The following GPC4 variants were observed in gnomAD, a reference collection of about 807,000 sequenced individuals.
The protein encoded by GPC4 is glypican-4.
GPC4 carries 10 observed loss-of-function variants against 35.0 expected under a neutral mutation model. That is an observed-to-expected ratio of 0.29 (90% CI 0.18 to 0.48). GPC4 has a LOEUF of 0.48. GPC4 is among the 20% of genes least tolerant of loss of function. The pLI, the probability that GPC4 is intolerant of heterozygous loss-of-function variation, is 0.99. For missense variants in GPC4, 322 were observed against 451.3 expected (o/e 0.71, Z 2.60); for synonymous variants, 167 against 170.2 (o/e 0.98, Z 0.15).
At chrX:133,390,272 A>G (rs1008566963) in intron 1 of GPC4, among the ~76,000 whole-genome samples, 3 of 111,322 alleles carry the variant, frequency 2.7e-5, no homozygotes, top group African/African-American at 6.5e-5. Context: ...TCCTCCTCTC[A>G]CCCACCTACT....
At chrX:133,329,073 G>T (rs1249085724) in intron 2 of GPC4, among the ~76,000 whole-genome samples, 2 of 111,947 alleles carry the variant, frequency 1.8e-5, no homozygotes, top group African/African-American at 6.5e-5. Context: ...ACACAGGATG[G>T]AAATAAACAC....
chrX:133,313,375 C>T (rs1007976091), intron 3 of GPC4, among the ~76,000 whole-genome samples: 1 of 112,850 alleles, frequency 8.9e-6, no homozygotes, highest in African/African-American at 3.2e-5. Flanking sequence ...GATTTTTCCA[C>T]AGTTTTAACC....
At chrX:133,379,523 C>T (rs1366277090) in intron 1 of GPC4, among the ~76,000 whole-genome samples, 1 of 111,817 alleles carries the variant, frequency 8.9e-6, no homozygotes, top group African/African-American at 3.3e-5. Context: ...TGTTTATATA[C>T]TAAATGCCAC....
At chrX:133,323,985 G>GT (rs2068378680) in intron 3 of GPC4, among the ~76,000 whole-genome samples, 160 bp downstream of exon 3, 2 of 112,046 alleles carry the variant, frequency 1.8e-5, no homozygotes, top group African/African-American at 6.5e-5. Context: ...ATGTACACGT[G>GT]TAAGGACAGT....
intron 2 of GPC4, among the ~76,000 whole-genome samples, chrX:133,337,504 A>C (rs1159588627): frequency 8.9e-6 from 1 of 111,849 alleles, no homozygotes; most frequent in Admixed American, 9.5e-5. Context: ...TGGAACTTGG[A>C]AACAACTTTA....
At chrX:133,312,853 T>C (rs1377738240) in intron 3 of GPC4, among the ~76,000 whole-genome samples, 1 of 111,240 alleles carries the variant, frequency 9.0e-6, no homozygotes, top group Non-Finnish European at 1.9e-5. Context: ...CTTCATTTCA[T>C]CTAGTTTTAT....
intron 1 of GPC4, among the ~76,000 whole-genome samples, chrX:133,379,417 C>G (rs2068650544): frequency 9.0e-6 from 1 of 111,619 alleles, no homozygotes; most frequent in African/African-American, 3.3e-5. Context: ...TGGGGGGAGG[C>G]AGGAATGAGA....
At chrX:133,312,369 G>A (rs1460918813) in intron 3 of GPC4, among the ~76,000 whole-genome samples, 2 of 110,978 alleles carry the variant, frequency 1.8e-5, no homozygotes, top group African/African-American at 3.3e-5. Context: ...GGTGGCTCAC[G>A]CCTGTAATCT....
At chrX:133,366,239 A>G (rs1603083590) in intron 1 of GPC4, among the ~76,000 whole-genome samples, 1 of 112,438 alleles carries the variant, frequency 8.9e-6, no homozygotes, top group South Asian at 3.7e-4. Context: ...AATGGCACAC[A>G]CATGTTTTCA....
chrX:133,311,247 C>G lies in GPC4; in HGVS notation c.877+11G>C. The stretch of plus-strand genomic sequence containing the variant: ...TCTCCAGCAACACAAATATGTTAAC[C>G]ACTTGCTCACCTATGAAATTGTTCC... On this transcript the variant is annotated intron_variant, in intron 4 of 8. Coordinates refer to ENST00000370828, the MANE Select transcript of GPC4 (RefSeq NM_001448.3). 8.3e-7 allele frequency: 1 copy of G among 1,206,656 alleles called. No individual in the cohort carries two copies. Among genetic ancestry groups the G allele is most frequent in the Non-Finnish European group, 1.1e-6 (1 of 892,159 alleles).
chrX:133,356,853 CACA>C (rs1474132324), intron 1 of GPC4, among the ~76,000 whole-genome samples: 5 of 111,526 alleles, frequency 4.5e-5, no homozygotes, highest in African/African-American at 3.3e-5. Flanking sequence ...ATGGATAAAT[CACA>C]ACAAGTGGGA....
At chrX:133,335,513 G>A (rs1013719020) in intron 2 of GPC4, among the ~76,000 whole-genome samples, 1 of 111,009 alleles carries the variant, frequency 9.0e-6, no homozygotes, top group Admixed American at 9.6e-5. Flanking sequence ...GATATAGACC[G>A]TACAGTCTCT....
At chrX:133,378,068 TAG>T (rs1342888438) in intron 1 of GPC4, among the ~76,000 whole-genome samples, 3 of 108,346 alleles carry the variant, frequency 2.8e-5, no homozygotes, top group African/African-American at 1.0e-4. Flanking sequence ...CTAATTTTTG[TAG>T]AGACAGGGTT....
chrX:133,393,829 A>G (rs1603094630), intron 1 of GPC4, among the ~76,000 whole-genome samples: 1 of 112,205 alleles, frequency 8.9e-6, no homozygotes, highest in Admixed American at 9.5e-5. Context: ...TGTGGTACAT[A>G]TAATAGATTA....
rs924830290 is a variant in GPC4 at position 133,302,013 on chromosome X, T to C, written c.*854A>G. On this transcript the variant is annotated 3_prime_UTR_variant, in exon 9 of 9. Transcript: ENST00000370828. ...AAAAAAAAACACCCCTAAACCCAAG[T>C]GTGAACATGTGATAACTGGGACATC... The C allele has an allele frequency of 1.2e-4, 13 of 112,065 alleles. No homozygotes were observed. Among genetic ancestry groups the C allele is most frequent in the African/African-American group, 2.9e-4 (9 of 30,814 alleles). The allele number at this position is 112,065 out of a possible 1,213,427, so 9.2% of individuals were successfully genotyped here.
chrX:133,324,192 C>A lies in GPC4; in HGVS notation c.664G>T (p.Ala222Ser), dbSNP rs1218881357. 8.3e-7 allele frequency: 1 copy of A among 1,210,512 alleles called. No individual in the cohort carries two copies. Among genetic ancestry groups the A allele is most frequent in the Non-Finnish European group, 1.1e-6 (1 of 895,025 alleles). The change falls in exon 3 of 9, where the codon GCT becomes TCT. Residue 222 changes from alanine (A) to serine (S), a missense_variant. Physicochemically the swap from Ala to Ser is moderately conservative, Grantham distance 99 (BLOSUM62 1). This residue lies in a region of GPC4 where 163 missense variants were observed against 277.2 expected (regional missense o/e 0.59). Coordinates refer to ENST00000370828, the MANE Select transcript of GPC4 (RefSeq NM_001448.3). ...TCTCCCGCAACCGCTAAGCCTTGAG[C>A]GAAAGTACGGGCTGCTACAAAAGCA... ...TRAFVAARTF[A>S]QGLAVAGDVV...
At chrX:133,321,535 G>C (rs1372352108) in intron 3 of GPC4, among the ~76,000 whole-genome samples, 5 of 112,264 alleles carry the variant, frequency 4.5e-5, no homozygotes, top group Non-Finnish European at 7.5e-5. Context: ...CTTTCTCTTT[G>C]GCACAAGTGT....
intron 1 of GPC4, among the ~76,000 whole-genome samples, chrX:133,361,664 C>T (rs763820122): frequency 9.0e-6 from 1 of 111,535 alleles, no homozygotes; most frequent in African/African-American, 3.3e-5. Flanking sequence ...CATTGCTGGT[C>T]TTTGCCATTA....
At chrX:133,390,072 C>CA (rs1292178911) in intron 1 of GPC4, among the ~76,000 whole-genome samples, 1 of 110,571 alleles carries the variant, frequency 9.0e-6, no homozygotes, top group Non-Finnish European at 1.9e-5. Context: ...TCCCAGTGCG[C>CA]AACTTCAAGC....
Sources: allele counts gnomAD v4.1 joint callset (sites outside exome capture counted in the v4.1 genomes callset), GRCh38; gene constraint gnomAD v4.1.1; regional missense constraint gnomAD v4.1.1; transcripts MANE v1.5; gene names NCBI Gene and HGNC (gene_info 2026-07-23, HGNC 2026-07-21).